The following COL6A6 variants were observed in gnomAD, a reference collection of about 807,000 sequenced individuals.
COL6A6 encodes the protein collagen alpha-6(VI) chain.
In COL6A6, 183 loss-of-function variants were observed where a neutral mutation model predicts 208.6. The observed-to-expected ratio is 0.88, with a 90% CI of 0.78 to 0.99. The LOEUF (loss-of-function observed/expected upper bound fraction) is 0.99, where lower values mean the gene tolerates loss of function less well. Ranked by LOEUF, COL6A6 falls within the 50% of genes least tolerant of loss-of-function variation. The probability of loss-of-function intolerance (pLI) is 0.00; values close to 1 mark genes in which losing one functional copy is unlikely to be tolerated. For missense variants in COL6A6, 2,816 were observed against 2,815.2 expected (o/e 1.00, Z -0.01); for synonymous variants, 973 against 1,011.8 (o/e 0.96, Z 0.73).
In COL6A6 at chr3:130,586,719, T is replaced by A. The variant is rs1424629924; in HGVS notation, c.4125+59T>A. 9.4e-6 allele frequency: 14 copies of A among 1,490,164 alleles called. No homozygotes were observed. In the Admixed American group the frequency reaches 2.9e-4, roughly 31 times the overall value. The allele number at this position is 1,490,164 out of a possible 1,614,324, so 92.3% of individuals were successfully genotyped here. On this transcript the variant is annotated intron_variant, in intron 11 of 36. Transcript: ENST00000358511. ...TTTTCAATTATTTTGTATATAAGTT[T>A]AATACTTATGCTTAAGAATTTGAAC... is the stretch of plus-strand genomic sequence containing the variant.
In COL6A6 at chr3:130,662,309, G is replaced by GA. The variant is rs1553722087; in HGVS notation, c.6502+1_6502+2insA. The GA allele has an allele frequency of 6.2e-7, 1 of 1,608,024 alleles. No individual in the cohort carries two copies. The highest frequency in any genetic ancestry group is 8.5e-7 in the Non-Finnish European group (1 of 1,176,184). On this transcript the variant is annotated splice_donor_variant, in intron 35 of 36. Transcript: ENST00000358511. LOFTEE classifies it high-confidence loss of function. ...AAGTCCTTTATAAACTCAATCAGGCGTAAGTCATAAAATCTGTTGTTCTCT... is the reference window on the plus strand; with the variant it reads ...AAGTCCTTTATAAACTCAATCAGGCGATAAGTCATAAAATCTGTTGTTCTCT...
chr3:130,659,722 T>G (rs1000789168), intron 34 of COL6A6, among the ~76,000 whole-genome samples: 1 of 152,234 alleles, frequency 6.6e-6, no homozygotes, highest in African/African-American at 2.4e-5. Context: ...GGTCTCATTC[T>G]TCTGCTCCCT....
At chr3:130,650,423 C>A (rs1189388306) in intron 33 of COL6A6, among the ~76,000 whole-genome samples, 1 of 152,072 alleles carries the variant, frequency 6.6e-6, no homozygotes, top group Non-Finnish European at 1.5e-5. Flanking sequence ...GAGATCGAGA[C>A]CATCCTGGCT....
At chr3:130,666,949 T>G (rs1383087758) in intron 36 of COL6A6, among the ~76,000 whole-genome samples, 2 of 152,102 alleles carry the variant, frequency 1.3e-5, no homozygotes, top group Non-Finnish European at 2.9e-5. Flanking sequence ...AAAGGGCAGA[T>G]TATCTACAAA....
At chr3:130,578,341 A>G (rs1018361183) in intron 8 of COL6A6, among the ~76,000 whole-genome samples, 1 of 152,208 alleles carries the variant, frequency 6.6e-6, no homozygotes, top group Non-Finnish European at 1.5e-5. Flanking sequence ...AGCTCTTTTT[A>G]TATTCCTGCC....
intron 25 of COL6A6, among the ~76,000 whole-genome samples, chr3:130,626,934 G>C (rs1436362484): frequency 6.6e-6 from 1 of 152,114 alleles, no homozygotes; most frequent in African/African-American, 2.4e-5. Flanking sequence ...GCATTTACTA[G>C]TTGTTTTTGT....
At chr3:130,654,371 G>T (rs2065731473) in intron 33 of COL6A6, among the ~76,000 whole-genome samples, 1 of 152,110 alleles carries the variant, frequency 6.6e-6, no homozygotes, top group South Asian at 2.1e-4. Context: ...TCTGAGCTAT[G>T]CTGTCTGAAC....
At chr3:130,620,774 G>A (rs1463449752) in intron 23 of COL6A6, among the ~76,000 whole-genome samples, 1 of 152,016 alleles carries the variant, frequency 6.6e-6, no homozygotes, top group Non-Finnish European at 1.5e-5. Context: ...TGTTCTGAAC[G>A]AAATAAATTT....
At position 130,588,174 on chromosome 3, in the gene COL6A6, G is replaced by T. The variant is rs759294054; in HGVS notation, c.4126-916G>T. ...TTGTCAGGAAAAAGAATTTCATAAT[G>T]TCAGAAAAGGAACATTATATAGTAG... is the stretch of plus-strand genomic sequence containing the variant. On this transcript the variant is annotated intron_variant, in intron 11 of 36. Coordinates refer to ENST00000358511, the MANE Select transcript of COL6A6 (RefSeq NM_001102608.3). 1.4e-4 allele frequency among the ~76,000 whole-genome samples: 22 copies of T among 152,276 alleles called. 1 individual carries two copies. The highest frequency in any genetic ancestry group is 3.4e-3 in the Middle Eastern group (1 of 294).
chr3:130,643,659 CCA>C (rs1457217717), intron 31 of COL6A6, among the ~76,000 whole-genome samples: 12 of 151,978 alleles, frequency 7.9e-5, no homozygotes, highest in African/African-American at 2.7e-4. Flanking sequence ...TGTGTTGATA[CCA>C]TCAAAAAAAA....
At chr3:130,522,169 CT>C (rs1382349690) in intron 1 of COL6A6, among the ~76,000 whole-genome samples, 2 of 152,248 alleles carry the variant, frequency 1.3e-5, no homozygotes, top group East Asian at 3.9e-4. Context: ...GAATGGAATT[CT>C]TGCTTTCCAC....
chr3:130,591,162 C>A, intron 13 of COL6A6, 68 bp downstream of exon 13: 2 of 1,115,570 alleles, frequency 1.8e-6, no homozygotes, highest in African/African-American at 1.6e-5. Flanking sequence ...TTCCTTGAGT[C>A]AATTCAGGGG....
rs577490452 is a variant in COL6A6, at chr3:130,615,309, T to A, written c.4815+4598T>A. 6.6e-5 allele frequency among the ~76,000 whole-genome samples: 10 copies of A among 152,348 alleles called. No individual in the cohort carries two copies. The South Asian group carries it at 2.1e-3, about 32-fold the overall frequency. On this transcript the variant is annotated intron_variant, in intron 23 of 36. Coordinates refer to ENST00000358511, the MANE Select transcript of COL6A6 (RefSeq NM_001102608.3). ...CAGTGTGGTCCAAGACTGTGGTTGA[T>A]ATGATTTTGTTTTTTTTCTAATTTG...
intron 1 of COL6A6, among the ~76,000 whole-genome samples, chr3:130,541,881 G>C (rs183774508): frequency 2.6e-5 from 4 of 152,306 alleles, no homozygotes; most frequent in African/African-American, 9.6e-5. Flanking sequence ...TCTTGTGTGA[G>C]TTTTGGCAGC....
intron 4 of COL6A6, among the ~76,000 whole-genome samples, chr3:130,566,456 T>A (rs973881726): frequency 1.3e-5 from 2 of 152,230 alleles, no homozygotes; most frequent in African/African-American, 4.8e-5. Flanking sequence ...TTAAATCTCC[T>A]ACCATATTCA....
intron 32 of COL6A6, 145 bp from the exon 33 acceptor site, chr3:130,648,924 A>G (rs2065538313): frequency 1.5e-6 from 1 of 652,052 alleles, no homozygotes. Context: ...TTCAAGATTT[A>G]AATATATTTT....
chr3:130,585,149 A>G (rs1017376527), intron 10 of COL6A6, among the ~76,000 whole-genome samples: 1 of 152,232 alleles, frequency 6.6e-6, no homozygotes, highest in Non-Finnish European at 1.5e-5. Flanking sequence ...TTCTTTACCC[A>G]TCAATAATAA....
At chr3:130,657,550 G>C (rs2065826195) in intron 33 of COL6A6, among the ~76,000 whole-genome samples, 1 of 152,094 alleles carries the variant, frequency 6.6e-6, no homozygotes, top group African/African-American at 2.4e-5. Context: ...CGCTATGATT[G>C]GCTAAGACTT....
intron 11 of COL6A6, among the ~76,000 whole-genome samples, chr3:130,586,995 C>T (rs2063557645): frequency 6.6e-6 from 1 of 152,126 alleles, no homozygotes; most frequent in South Asian, 2.1e-4. Flanking sequence ...GTGAATCGGC[C>T]GTTAACCTCC....
Sources: allele counts gnomAD v4.1 joint callset (sites outside exome capture counted in the v4.1 genomes callset), GRCh38; gene constraint gnomAD v4.1.1; transcripts MANE v1.5; gene names NCBI Gene and HGNC (gene_info 2026-07-23, HGNC 2026-07-21).